The following TNPO3 variants were observed in gnomAD, a reference collection of about 807,000 sequenced individuals.
The protein encoded by TNPO3 is transportin-3.
Under a neutral mutation model 122.8 loss-of-function variants are expected in TNPO3, and 65 were observed. The ratio of observed to expected loss-of-function variants is 0.53; its 90% CI spans 0.43 to 0.65. TNPO3 has a LOEUF of 0.65. TNPO3 is among the 30% of genes least tolerant of loss of function. The pLI is 0.00. For synonymous variants in TNPO3, 372 were observed against 411.2 expected (o/e 0.90, Z 1.15); for missense variants, 850 against 1,136.7 (o/e 0.75, Z 3.63).
intron 1 of TNPO3, among the ~76,000 whole-genome samples, chr7:129,025,387 A>AAAAAAAAAAAAAAAAC (rs1805015876): frequency 7.9e-6 from 1 of 126,908 alleles, no homozygotes; most frequent in African/African-American, 2.9e-5. Context: ...AAAAAAAAAA[A>AAAAAAAAAAAAAAAAC]AAAAAAAAAA....
chr7:128,971,921 C>G (rs1176746710), intron 19 of TNPO3, among the ~76,000 whole-genome samples: 2 of 152,128 alleles, frequency 1.3e-5, no homozygotes, highest in African/African-American at 2.4e-5. Context: ...TACTGGAGGC[C>G]AAGGTGGGAG....
At chr7:129,026,428 GT>G (rs1160264572) in intron 1 of TNPO3, among the ~76,000 whole-genome samples, 1 of 133,604 alleles carries the variant, frequency 7.5e-6, no homozygotes, top group Non-Finnish European at 1.6e-5. Flanking sequence ...TTGAGAGGGA[GT>G]TTTGCTCTTG....
rs1411293602 is a variant in TNPO3, at chr7:128,979,100, AG to A, written c.1943del (p.Thr648IlefsTer2). On this transcript the variant is annotated frameshift_variant, in exon 16 of 23. Transcript: ENST00000265388. LOFTEE classifies it high-confidence loss of function. ...IQEIWPVLSE[T>X]LNKHRADNRI... ...GATTATCAGCTCGGTGCTTATTTAG[AG>A]TCTCGGATAAAACTGGCCATATCTG... The A allele has an allele frequency of 6.2e-7, 1 of 1,614,164 alleles. No homozygotes were observed. The highest frequency in any genetic ancestry group is 8.5e-7 in the Non-Finnish European group (1 of 1,180,000).
intron 1 of TNPO3, among the ~76,000 whole-genome samples, chr7:129,039,473 T>C (rs1392090926): frequency 1.3e-5 from 2 of 151,878 alleles, no homozygotes; most frequent in Non-Finnish European, 2.9e-5. Context: ...GGCGGGAGGA[T>C]TGCTTGAGCT....
intron 21 of TNPO3, among the ~76,000 whole-genome samples, chr7:128,960,006 G>A (rs1268630077): frequency 6.6e-6 from 1 of 152,180 alleles, no homozygotes; most frequent in African/African-American, 2.4e-5. Context: ...GGGCGACAGA[G>A]CAAGACTCCG....
At chr7:129,031,031 TC>T (rs1223072216) in intron 1 of TNPO3, among the ~76,000 whole-genome samples, 12 of 152,334 alleles carry the variant, frequency 7.9e-5, no homozygotes, top group African/African-American at 2.9e-4. Flanking sequence ...TGCCTGTTAA[TC>T]CCAGCACTTT....
At chr7:129,036,543 T>G (rs538032778) in intron 1 of TNPO3, among the ~76,000 whole-genome samples, 4 of 152,188 alleles carry the variant, frequency 2.6e-5, no homozygotes, top group Admixed American at 2.0e-4. Flanking sequence ...TTAGGAAAAT[T>G]TGAATACAGA....
chr7:128,999,967 T>TA (rs1303266195), intron 7 of TNPO3, among the ~76,000 whole-genome samples: 2 of 152,180 alleles, frequency 1.3e-5, no homozygotes, highest in Non-Finnish European at 2.9e-5. Context: ...AATGAGATTT[T>TA]AAAAAATCTA....
chr7:128,987,937 CTG>C (rs1800339937), intron 11 of TNPO3, among the ~76,000 whole-genome samples: 1 of 151,864 alleles, frequency 6.6e-6, no homozygotes, highest in African/African-American at 2.4e-5. Flanking sequence ...TTGTAGCAAA[CTG>C]TGAAAAAGTG....
At chr7:129,019,241 A>G (rs991525487) in intron 1 of TNPO3, among the ~76,000 whole-genome samples, 1 of 152,234 alleles carries the variant, frequency 6.6e-6, no homozygotes, top group Admixed American at 6.5e-5. Context: ...AATTAATTAG[A>G]TTAATTCTAA....
chr7:129,050,450 A>G (rs947332054), intron 1 of TNPO3, among the ~76,000 whole-genome samples: 1 of 152,002 alleles, frequency 6.6e-6, no homozygotes, highest in South Asian at 2.1e-4. Context: ...CAAAAAAAGA[A>G]AAAAGTTTAA....
intron 20 of TNPO3, among the ~76,000 whole-genome samples, chr7:128,968,503 A>G (rs760175980): frequency 1.4e-4 from 22 of 152,118 alleles, no homozygotes; most frequent in Non-Finnish European, 2.4e-4. Context: ...CTTAAGTGGA[A>G]TGTATACTTC....
At chr7:129,033,576 T>C (rs1806200943) in intron 1 of TNPO3, among the ~76,000 whole-genome samples, 1 of 152,104 alleles carries the variant, frequency 6.6e-6, no homozygotes, top group South Asian at 2.1e-4. Flanking sequence ...AACTACCATA[T>C]ATTCCAAAAA....
At chr7:128,967,435 C>T (rs1296540564) in intron 20 of TNPO3, 43 bp from the exon 21 acceptor site, 9 of 1,319,578 alleles carry the variant, frequency 6.8e-6, no homozygotes, top group Non-Finnish European at 7.7e-6. Flanking sequence ...GGAAGCATAG[C>T]TTACTCACCT....
At chr7:129,027,223 A>G (rs901345931) in intron 1 of TNPO3, among the ~76,000 whole-genome samples, 1 of 152,200 alleles carries the variant, frequency 6.6e-6, no homozygotes, top group African/African-American at 2.4e-5. Flanking sequence ...AACTTTGGTT[A>G]TAACAGACCA....
intron 13 of TNPO3, among the ~76,000 whole-genome samples, chr7:128,983,373 A>AT (rs1310292058): frequency 2.0e-5 from 3 of 151,886 alleles, no homozygotes; most frequent in African/African-American, 7.3e-5. Flanking sequence ...CACCTGGCTA[A>AT]TTTTTTGTAT....
At chr7:129,020,490 G>A (rs1191332838) in intron 1 of TNPO3, among the ~76,000 whole-genome samples, 1 of 152,032 alleles carries the variant, frequency 6.6e-6, no homozygotes, top group African/African-American at 2.4e-5. Flanking sequence ...ACCCAGGCTG[G>A]AGTGCAATGG....
chr7:128,973,669 G>A (rs1798719237), intron 18 of TNPO3, among the ~76,000 whole-genome samples: 1 of 127,692 alleles, frequency 7.8e-6, no homozygotes, highest in South Asian at 2.7e-4. Flanking sequence ...CCAGGAGGCA[G>A]AGCTTGCAGT....
At chr7:129,018,203 T>A (rs1184324431) in intron 1 of TNPO3, 46 bp from the exon 2 acceptor site, 6 of 1,580,038 alleles carry the variant, frequency 3.8e-6, no homozygotes, top group Non-Finnish European at 5.2e-6. Context: ...ACTACTTTTC[T>A]AATTTTAATG....
Sources: allele counts gnomAD v4.1 joint callset (sites outside exome capture counted in the v4.1 genomes callset), GRCh38; gene constraint gnomAD v4.1.1; transcripts MANE v1.5; gene names NCBI Gene and HGNC (gene_info 2026-07-23, HGNC 2026-07-21).